The following CDH4 variants were observed in gnomAD, a reference collection of about 807,000 sequenced individuals.
The protein encoded by CDH4 is cadherin 4, also known as cadherin-4.
In CDH4, 33 loss-of-function variants were observed where a neutral mutation model predicts 86.0. That is an observed-to-expected ratio of 0.38 (90% CI 0.29 to 0.51). The LOEUF (loss-of-function observed/expected upper bound fraction) is 0.51. CDH4 is among the 20% of genes least tolerant of loss of function. The probability of loss-of-function intolerance (pLI) is 0.86; values close to 1 mark genes in which losing one functional copy is unlikely to be tolerated. For synonymous variants in CDH4, 555 were observed against 549.4 expected (o/e 1.01, Z -0.14); for missense variants, 1,114 against 1,307.4 (o/e 0.85, Z 2.28).
At chr20:61,644,265 C>A (rs2087038719) in intron 2 of CDH4, among the ~76,000 whole-genome samples, 1 of 152,198 alleles carries the variant, frequency 6.6e-6, no homozygotes, top group South Asian at 2.1e-4. Flanking sequence ...GAAGTTCTTT[C>A]AAAAAGGGAG....
intron 2 of CDH4, among the ~76,000 whole-genome samples, chr20:61,429,711 A>T (rs2085234579): frequency 6.8e-6 from 1 of 147,590 alleles, no homozygotes; most frequent in Non-Finnish European, 1.5e-5. Context: ...GGGTGGATAG[A>T]TGGGTGGATG....
chr20:61,847,452 T>A (rs1456484248), intron 5 of CDH4, among the ~76,000 whole-genome samples: 1 of 152,176 alleles, frequency 6.6e-6, no homozygotes, highest in East Asian at 1.9e-4. Context: ...AGGTAGAAAT[T>A]TTCAACCCAC....
At chr20:61,500,354 C>T (rs1404648206) in intron 2 of CDH4, among the ~76,000 whole-genome samples, 1 of 152,226 alleles carries the variant, frequency 6.6e-6, no homozygotes, top group Non-Finnish European at 1.5e-5. Flanking sequence ...GGAATTGCAG[C>T]GTGAATTAAG....
chr20:61,684,790 C>T lies in CDH4; in HGVS notation c.170-58773C>T, dbSNP rs1402903287. On this transcript the variant is annotated intron_variant, in intron 2 of 15. Transcript: ENST00000614565. This position sits in a 1 kb window ranked among gnomAD's most constrained non-coding sequence, Gnocchi z 4.5. ...CAATCTGCAGCCCACAGCCGCCTGC[C>T]GTGACCACCCCTCGATGTGGGTGAG... 1.3e-5 allele frequency among the ~76,000 whole-genome samples: 2 copies of T among 152,182 alleles called. No individual in the cohort carries two copies. Among genetic ancestry groups the T allele is most frequent in the Non-Finnish European group, 2.9e-5 (2 of 68,040 alleles).
chr20:61,585,655 G>A (rs1600783074), intron 2 of CDH4, among the ~76,000 whole-genome samples: 4 of 150,330 alleles, frequency 2.7e-5, no homozygotes, highest in Non-Finnish European at 3.0e-5. Context: ...GATGGTGATG[G>A]TGATGGTGAT....
intron 2 of CDH4, among the ~76,000 whole-genome samples, chr20:61,631,723 A>C (rs1185620711): frequency 6.6e-6 from 1 of 152,210 alleles, no homozygotes; most frequent in Non-Finnish European, 1.5e-5. Flanking sequence ...GACTCCATGA[A>C]CCACCCCTGA....
chr20:61,557,100 G>C (rs2086183615), intron 2 of CDH4, among the ~76,000 whole-genome samples: 1 of 152,190 alleles, frequency 6.6e-6, no homozygotes, highest in Non-Finnish European at 1.5e-5. Flanking sequence ...TCATGGGTGA[G>C]TGGGCATCCT....
At chr20:61,406,984 TGGACCACCATCTGCTCTGCCC>T (rs1204504349) in intron 2 of CDH4, among the ~76,000 whole-genome samples, 1 of 122,274 alleles carries the variant, frequency 8.2e-6, no homozygotes, top group Non-Finnish European at 1.7e-5. Context: ...CTGCTCTTCT[TGGACCACCATCTGCTCTGCCC>T]GGACCACCAT....
At chr20:61,877,828 G>A (rs1340524942) in intron 7 of CDH4, among the ~76,000 whole-genome samples, 1 of 152,176 alleles carries the variant, frequency 6.6e-6, no homozygotes, top group Non-Finnish European at 1.5e-5. Context: ...GGGGCTCAGG[G>A]GACGGTCATG....
intron 2 of CDH4, among the ~76,000 whole-genome samples, chr20:61,519,213 C>A (rs2145624547): frequency 6.6e-6 from 1 of 152,356 alleles, no homozygotes; most frequent in South Asian, 2.1e-4. Context: ...CATTTGGGAC[C>A]TTCATAGGAT....
At chr20:61,707,174 C>A in intron 2 of CDH4, among the ~76,000 whole-genome samples, 1 of 152,234 alleles carries the variant, frequency 6.6e-6, no homozygotes, top group East Asian at 1.9e-4. Flanking sequence ...GGATGCCAGC[C>A]CTGCTGCTGA....
rs143921537 is a variant in CDH4 at position 61,269,462 on chromosome 20, A to G, written c.169+14525A>G. ...GGCCTGTGTGACCTTTCCTACCTCC[A>G]TAGGAGGGAGATGCCAGGTCCATCT... On this transcript the variant is annotated intron_variant, in intron 2 of 15. Transcript: ENST00000614565. This position sits in a 1 kb window ranked among gnomAD's most constrained non-coding sequence, Gnocchi z 5.3. Among the ~76,000 whole-genome samples the G allele has an allele frequency of 2.0e-5, 3 of 152,030 alleles. No homozygotes were observed. Among genetic ancestry groups the G allele is most frequent in the Non-Finnish European group, 4.4e-5 (3 of 67,970 alleles).
At chr20:61,841,698 C>CG (rs35088011) in intron 4 of CDH4, among the ~76,000 whole-genome samples, 60,949 of 148,652 alleles carry the variant, frequency 0.41, 15,034 homozygotes, top group Non-Finnish European at 0.56. Flanking sequence ...AGGTGCATTG[C>CG]GGGGGGGAAC....
At chr20:61,893,105 TGGATAGATGGATGGGTGGGTGAATAGAG>T (rs1455560093) in intron 7 of CDH4, among the ~76,000 whole-genome samples, 1 of 139,056 alleles carries the variant, frequency 7.2e-6, no homozygotes, top group Non-Finnish European at 1.5e-5. Flanking sequence ...GGTGGGTGGA[TGGATAGATGGATGGGTGGGTGAATAGAG>T]GGATAGATGG....
chr20:61,640,471 G>A (rs906764598), intron 2 of CDH4, among the ~76,000 whole-genome samples: 2 of 152,052 alleles, frequency 1.3e-5, no homozygotes, highest in African/African-American at 4.8e-5. Context: ...GGCTTCCGGG[G>A]CCTATGAGGG....
rs116256416 is a variant in CDH4 at position 61,499,581 on chromosome 20, G to A, written c.170-243982G>A. 1,739 of 1,195,080 alleles carry A rather than the reference G, an allele frequency of 1.5e-3. 15 individuals are homozygous for A. In the African/African-American group the frequency reaches 0.015, roughly 11 times the overall value. 74.0% of individuals were successfully genotyped at this position (1,195,080 alleles called of 1,614,324 possible). A position where few individuals can be genotyped will look rare whatever the true frequency, so the allele number is the denominator to read the frequency against. On this transcript the variant is annotated intron_variant, in intron 2 of 15. Transcript: ENST00000614565. ...CCCTGATGCTTCAGACAGTGTCCCT[G>A]AGGTCACACAGGGAGGAGGGCTCCA...
intron 2 of CDH4, among the ~76,000 whole-genome samples, chr20:61,463,613 G>A (rs2085456877): frequency 6.6e-6 from 1 of 152,230 alleles, no homozygotes; most frequent in Non-Finnish European, 1.5e-5. Flanking sequence ...GCATAGGTGG[G>A]TCCTGGAGGA....
intron 2 of CDH4, among the ~76,000 whole-genome samples, chr20:61,308,909 G>C (rs2084431079): frequency 6.6e-6 from 1 of 152,218 alleles, no homozygotes; most frequent in South Asian, 2.1e-4. Flanking sequence ...CTCGTAGCCT[G>C]TGGTTTGCAG....
chr20:61,299,977 T>TGG lies in CDH4; in HGVS notation c.169+45043_169+45044dup, dbSNP rs575308835. The stretch of plus-strand genomic sequence containing the variant: ...TGATGTGTAGAGGGGGGACCAGGTT[T>TGG]GGGGCTGGATCTCACAAGGGACATT... On this transcript the variant is annotated intron_variant, in intron 2 of 15. Transcript: ENST00000614565. Among the ~76,000 whole-genome samples the TGG allele has an allele frequency of 4.6e-5, 7 of 152,242 alleles. No individual in the cohort carries two copies. In the East Asian group the frequency reaches 1.4e-3, roughly 29 times the overall value.
Sources: gnomAD v4.1 joint callset for allele counts (sites outside exome capture counted in the v4.1 genomes callset) on GRCh38, gnomAD v4.1.1 for gene constraint, Gnocchi (gnomAD v3.1) non-coding constraint, MANE v1.5 for transcripts, NCBI Gene and HGNC (gene_info 2026-07-23, HGNC 2026-07-21) for gene names.